Variants in TXNDC11 observed in about 807,000 individuals in gnomAD.
TXNDC11 encodes thioredoxin domain-containing protein 11.
In TXNDC11, 68 loss-of-function variants were observed where a neutral mutation model predicts 78.0. That is an observed-to-expected ratio of 0.87 (90% CI 0.72 to 1.07). The LOEUF (loss-of-function observed/expected upper bound fraction) is 1.07, where lower values mean the gene tolerates loss of function less well. Ranked by LOEUF, TXNDC11 falls within the 50% of genes least tolerant of loss-of-function variation. The pLI is 0.00. For synonymous variants in TXNDC11, 571 were observed against 495.2 expected, an observed-to-expected ratio of 1.15 and a Z score of -2.03; for missense variants, 1,389 against 1,221.8, an observed-to-expected ratio of 1.14 and a Z score of -2.04.
chr16:11,680,890 G>A (rs1286593965), intron 11 of TXNDC11, among the ~76,000 whole-genome samples: 1 of 152,194 alleles, frequency 6.6e-6, no homozygotes, highest in Non-Finnish European at 1.5e-5. Context: ...GACAAAGCTG[G>A]GTGTGGTGCT....
Position 11,736,123 on chromosome 16 carries a change from C to T in TXNDC11, c.365G>A (p.Arg122Gln), listed in dbSNP as rs973763988. Residue 122 changes from arginine (R) to glutamine (Q), a missense_variant, in exon 2 of 12, where the codon CGA (arginine) becomes CAA (glutamine). Coordinates refer to ENST00000283033, the MANE Select transcript of TXNDC11 (RefSeq NM_015914.7). The stretch of plus-strand genomic sequence containing the variant: ...GAGCAGTACCACCTCTGAATCCCGT[C>T]GAACGTACTCTGCATAATCCAGCTG... Reference protein sequence around the residue: ...QGQLDYAEYVRRDSEVVLLFF... With the variant: ...QGQLDYAEYVQRDSEVVLLFF... 4.3e-6 allele frequency: 7 copies of T among 1,614,022 alleles called. No individual in the cohort carries two copies. In the South Asian group the frequency reaches 4.4e-5, roughly 10 times the overall value.
intron 7 of TXNDC11, among the ~76,000 whole-genome samples, chr16:11,697,173 A>T (rs2050881104): frequency 6.6e-6 from 1 of 152,234 alleles, no homozygotes; most frequent in Non-Finnish European, 1.5e-5. Flanking sequence ...AGCAGCATTC[A>T]TTCAGAATAC....
chr16:11,729,619 C>T (rs193286045), intron 4 of TXNDC11, among the ~76,000 whole-genome samples: 7 of 152,300 alleles, frequency 4.6e-5, no homozygotes, highest in Admixed American at 3.3e-4. Context: ...TTTTTAATCT[C>T]TGTCAGGTAT....
rs2052139755 is a variant in TXNDC11 at position 11,734,022 on chromosome 16, G to A, written c.529C>T (p.His177Tyr). ...TATATTACAGGAAAATAAAAGAAGT[G>A]TTTCTGTTTTCTGCATTTCCCCTGG... is the stretch of plus-strand genomic sequence containing the variant. ...WNQGKCRKQK[H>Y]FFYFPVIYLY... Residue 177 changes from histidine to tyrosine, a missense_variant, in exon 3 of 12, where the codon CAC becomes TAC. Coordinates refer to ENST00000283033, the MANE Select transcript of TXNDC11 (RefSeq NM_015914.7). 1 of 1,606,084 alleles carries A rather than the reference G, an allele frequency of 6.2e-7. No homozygotes were observed. Among genetic ancestry groups the A allele is most frequent in the South Asian group, 1.1e-5 (1 of 88,284 alleles).
intron 1 of TXNDC11, 25 bp from the exon 2 acceptor site, chr16:11,736,258 G>C (rs774190058): frequency 6.5e-7 from 1 of 1,535,594 alleles, no homozygotes; most frequent in Admixed American, 1.9e-5. Flanking sequence ...ACACAGAAAA[G>C]ATTGCTTAGT....
intron 3 of TXNDC11, 21 bp from the exon 4 acceptor site, chr16:11,730,795 T>C (rs1414362377): frequency 1.3e-6 from 2 of 1,495,110 alleles, no homozygotes; most frequent in Non-Finnish European, 1.8e-6. Flanking sequence ...AAAATAAAAA[T>C]AAAAATAAAA....
At chr16:11,700,650 A>C in intron 5 of TXNDC11, 86 bp from the exon 6 acceptor site, 1 of 664,314 alleles carries the variant, frequency 1.5e-6, no homozygotes, top group Non-Finnish European at 2.7e-6. Flanking sequence ...TTGAAGCACA[A>C]ACCCCTGCAG....
intron 11 of TXNDC11, among the ~76,000 whole-genome samples, chr16:11,682,134 A>G (rs1418140312): frequency 6.6e-6 from 1 of 152,252 alleles, no homozygotes; most frequent in Non-Finnish European, 1.5e-5. Flanking sequence ...GTCTTACTAC[A>G]TGTTATCCAA....
intron 5 of TXNDC11, among the ~76,000 whole-genome samples, chr16:11,718,121 G>C (rs963446941): frequency 1.4e-4 from 21 of 152,138 alleles, no homozygotes; most frequent in African/African-American, 5.1e-4. Flanking sequence ...CATGCTGGGG[G>C]CCAGGAATAA....
At chr16:11,717,215 C>T (rs1468482217) in intron 5 of TXNDC11, among the ~76,000 whole-genome samples, 1 of 149,948 alleles carries the variant, frequency 6.7e-6, no homozygotes, top group Non-Finnish European at 1.5e-5. Flanking sequence ...CACTTGAGGT[C>T]AGGAGTTTGA....
At chr16:11,737,096 G>A (rs554914398) in intron 1 of TXNDC11, among the ~76,000 whole-genome samples, 11 of 152,214 alleles carry the variant, frequency 7.2e-5, no homozygotes, top group Non-Finnish European at 1.0e-4. Context: ...CTATCTAAAC[G>A]AGATAAATAG....
At chr16:11,733,523 T>A (rs1796545124) in intron 3 of TXNDC11, among the ~76,000 whole-genome samples, 2 of 151,174 alleles carry the variant, frequency 1.3e-5, no homozygotes, top group South Asian at 4.2e-4. Flanking sequence ...TGAGACTCCG[T>A]CTCAAAAAAA....
At chr16:11,714,399 G>A (rs1387119460) in intron 5 of TXNDC11, among the ~76,000 whole-genome samples, 1 of 152,192 alleles carries the variant, frequency 6.6e-6, no homozygotes, top group Admixed American at 6.5e-5. Context: ...CCAGCACTTT[G>A]GGAGGCCGAG....
intron 2 of TXNDC11, among the ~76,000 whole-genome samples, chr16:11,735,293 T>A (rs749546178): frequency 4.6e-5 from 7 of 152,210 alleles, no homozygotes; most frequent in Non-Finnish European, 7.3e-5. Flanking sequence ...TGATTCTACA[T>A]AAAGGTATAT....
intron 5 of TXNDC11, among the ~76,000 whole-genome samples, chr16:11,713,098 ACT>A (rs2051414033): frequency 1.5e-5 from 2 of 132,524 alleles, no homozygotes; most frequent in Non-Finnish European, 3.2e-5. Flanking sequence ...CAAGAGTGAA[ACT>A]CTGTCTCAGG....
intron 2 of TXNDC11, 131 bp from the exon 3 acceptor site, chr16:11,734,210 T>A: frequency 1.4e-6 from 1 of 697,432 alleles, no homozygotes; most frequent in Non-Finnish European, 2.5e-6. Context: ...AAAACTGTTT[T>A]GAGTTTTCAA....
intron 5 of TXNDC11, among the ~76,000 whole-genome samples, chr16:11,700,771 A>G (rs1331119670): frequency 6.6e-6 from 1 of 152,154 alleles, no homozygotes; most frequent in African/African-American, 2.4e-5. Context: ...TTCTGAGAGG[A>G]TGTCTCTGAC....
intron 5 of TXNDC11, among the ~76,000 whole-genome samples, chr16:11,720,045 G>A (rs965797853): frequency 1.3e-5 from 2 of 152,146 alleles, no homozygotes; most frequent in Admixed American, 6.6e-5. Flanking sequence ...GTGAAGGGGC[G>A]CAGACTGGAG....
chr16:11,704,224 T>G (rs1219008199), intron 5 of TXNDC11, among the ~76,000 whole-genome samples: 1 of 152,064 alleles, frequency 6.6e-6, no homozygotes, highest in Non-Finnish European at 1.5e-5. Flanking sequence ...ACAATGACAG[T>G]ACACAGAATA....
Sources: allele counts gnomAD v4.1 joint callset (sites outside exome capture counted in the v4.1 genomes callset), GRCh38; gene constraint gnomAD v4.1.1; transcripts MANE v1.5; gene names NCBI Gene and HGNC (gene_info 2026-07-23, HGNC 2026-07-21).